RALYL: variants seen among roughly 807,000 people sequenced by gnomAD.
The protein encoded by RALYL is RNA-binding Raly-like protein.
In RALYL, 29 loss-of-function variants were observed where a neutral mutation model predicts 35.1. The ratio of observed to expected loss-of-function variants is 0.83; its 90% CI spans 0.61 to 1.13. The LOEUF (loss-of-function observed/expected upper bound fraction) is 1.13, where lower values mean the gene tolerates loss of function less well. RALYL is among the 50% of genes most tolerant of loss of function. RALYL has a pLI of 0.00. For missense variants in RALYL, 359 were observed against 360.4 expected, an observed-to-expected ratio of 1.00 and a Z score of 0.03; for synonymous variants, 120 against 127.6, an observed-to-expected ratio of 0.94 and a Z score of 0.40.
At chr8:84,477,410 C>A (rs1248539218) in intron 1 of RALYL, among the ~76,000 whole-genome samples, 1 of 148,776 alleles carries the variant, frequency 6.7e-6, no homozygotes. Context: ...ATTTATTGAT[C>A]ATTTATATAA....
chr8:84,488,826 A>G (rs2133999549), intron 1 of RALYL, among the ~76,000 whole-genome samples: 1 of 152,134 alleles, frequency 6.6e-6, no homozygotes, highest in East Asian at 1.9e-4. Flanking sequence ...TATCTACCTC[A>G]TAAGATATAT....
At chr8:84,383,797 A>G (rs1177377195) in intron 1 of RALYL, among the ~76,000 whole-genome samples, 4 of 149,912 alleles carry the variant, frequency 2.7e-5, no homozygotes, top group African/African-American at 9.8e-5. Flanking sequence ...AAAAAAAAAA[A>G]GTGGCCAAAC....
chr8:84,774,934 G>A (rs768918880), intron 3 of RALYL, among the ~76,000 whole-genome samples: 1 of 151,984 alleles, frequency 6.6e-6, no homozygotes, highest in Non-Finnish European at 1.5e-5. Flanking sequence ...AAAGGCCAAT[G>A]TTGGTTAACT....
intron 2 of RALYL, among the ~76,000 whole-genome samples, chr8:84,737,697 G>A (rs1341940027): frequency 9.9e-5 from 15 of 151,940 alleles, no homozygotes; most frequent in Admixed American, 9.9e-4. Context: ...CAATGTGGTG[G>A]TGTCTGGAGG....
intron 1 of RALYL, among the ~76,000 whole-genome samples, chr8:84,265,356 C>T (rs1002526126): frequency 1.3e-5 from 2 of 152,156 alleles, no homozygotes; most frequent in African/African-American, 4.8e-5. Flanking sequence ...GATACTATGA[C>T]AGAGGGAAGA....
At chr8:84,241,209 T>C (rs922012895) in intron 1 of RALYL, among the ~76,000 whole-genome samples, 1 of 152,164 alleles carries the variant, frequency 6.6e-6, no homozygotes, top group South Asian at 2.1e-4. Context: ...TTCTGATAAG[T>C]TTATGGTGAG....
At chr8:84,338,523 C>G (rs560374927) in intron 1 of RALYL, among the ~76,000 whole-genome samples, 1 of 150,426 alleles carries the variant, frequency 6.6e-6, no homozygotes, top group East Asian at 2.0e-4. Flanking sequence ...ATTAACCCAA[C>G]TCATTCTTTG....
At chr8:84,439,799 G>C (rs975274529) in intron 1 of RALYL, among the ~76,000 whole-genome samples, 4 of 151,968 alleles carry the variant, frequency 2.6e-5, no homozygotes, top group African/African-American at 7.2e-5. Flanking sequence ...TAAGAGAAAG[G>C]TGTTTGTAAG....
chr8:84,905,700 A>ATT (rs35284071), intron 8 of RALYL, among the ~76,000 whole-genome samples: 5,534 of 142,970 alleles, frequency 0.039, 416 homozygotes, highest in African/African-American at 0.13. Flanking sequence ...TATGAATACT[A>ATT]TTTTTTTTTT....
chr8:84,304,733 C>A (rs1232535921), intron 1 of RALYL, among the ~76,000 whole-genome samples: 1 of 152,032 alleles, frequency 6.6e-6, no homozygotes, highest in Non-Finnish European at 1.5e-5. Flanking sequence ...TGCTGTCATG[C>A]TTTTTCTTAA....
rs1812899946 is a variant in RALYL at position 84,590,078 on chromosome 8, T to G, written c.256+60501T>G. Among the ~76,000 whole-genome samples the G allele has an allele frequency of 2.0e-5, 3 of 152,204 alleles. No individual in the cohort carries two copies. The South Asian group carries it at 6.2e-4, about 31-fold the overall frequency. On this transcript the variant is annotated intron_variant, in intron 2 of 8. Transcript: ENST00000521268. ...CTGTACATTTTGGAAGATATAATCT[T>G]CCTAATTCATTTCTTTAAAGAGACA...
At chr8:84,308,025 GAA>G (rs754588401) in intron 1 of RALYL, among the ~76,000 whole-genome samples, 4 of 135,760 alleles carry the variant, frequency 2.9e-5, no homozygotes, top group African/African-American at 8.1e-5. Flanking sequence ...CCGTAGGTCA[GAA>G]AAAAAAAAAA....
At chr8:84,560,656 C>G (rs1216350752) in intron 2 of RALYL, among the ~76,000 whole-genome samples, 1 of 151,842 alleles carries the variant, frequency 6.6e-6, no homozygotes, top group Non-Finnish European at 1.5e-5. Context: ...TAGGATAATA[C>G]AGATTAGGGT....
chr8:84,429,237 C>G (rs964472016), intron 1 of RALYL, among the ~76,000 whole-genome samples: 5 of 152,102 alleles, frequency 3.3e-5, no homozygotes, highest in Non-Finnish European at 7.4e-5. Flanking sequence ...CTGCTTAAAT[C>G]ATTGAAAAGG....
chr8:84,901,903 C>G (rs1339202056), intron 8 of RALYL, among the ~76,000 whole-genome samples: 2 of 152,092 alleles, frequency 1.3e-5, no homozygotes, highest in Non-Finnish European at 2.9e-5. Context: ...CTGGCCTTAG[C>G]ATAGGTAAAT....
chr8:84,821,755 A>T (rs754861570), intron 4 of RALYL, among the ~76,000 whole-genome samples: 1 of 152,208 alleles, frequency 6.6e-6, no homozygotes, highest in Non-Finnish European at 1.5e-5. Flanking sequence ...CTATCATAGT[A>T]TAATCAATAG....
chr8:84,246,208 C>A (rs1829056618), intron 1 of RALYL, among the ~76,000 whole-genome samples: 1 of 152,096 alleles, frequency 6.6e-6, no homozygotes, highest in African/African-American at 2.4e-5. Context: ...CCTCACCCTG[C>A]CTCATTCTCT....
intron 1 of RALYL, among the ~76,000 whole-genome samples, chr8:84,418,824 T>C (rs762050767): frequency 1.9e-4 from 29 of 152,162 alleles, no homozygotes; most frequent in Non-Finnish European, 4.1e-4. Context: ...CAAACCAACC[T>C]CTTGCATCAG....
intron 4 of RALYL, among the ~76,000 whole-genome samples, chr8:84,810,921 G>A (rs1025885901): frequency 6.6e-6 from 1 of 152,132 alleles, no homozygotes; most frequent in African/African-American, 2.4e-5. Context: ...GCAGAGAGTT[G>A]ATTGGTGAGT....
Sources: allele counts gnomAD v4.1 joint callset (sites outside exome capture counted in the v4.1 genomes callset), GRCh38; gene constraint gnomAD v4.1.1; transcripts MANE v1.5; gene names NCBI Gene and HGNC (gene_info 2026-07-23, HGNC 2026-07-21).